The following PIBF1 variants were observed in gnomAD, a reference collection of about 807,000 sequenced individuals.
PIBF1 encodes the protein progesterone-induced-blocking factor 1.
A neutral mutation model predicts 112.5 loss-of-function variants in PIBF1; 90 were observed. That is an observed-to-expected ratio of 0.80 (90% CI 0.67 to 0.95). PIBF1 has a LOEUF of 0.95. Ranked by LOEUF, PIBF1 falls within the 40% of genes least tolerant of loss-of-function variation. The pLI, the probability that PIBF1 is intolerant of heterozygous loss-of-function variation, is 0.00. For missense variants in PIBF1, 915 were observed against 852.3 expected (o/e 1.07, Z -0.92); for synonymous variants, 301 against 288.6 (o/e 1.04, Z -0.44).
At chr13:72,893,293 T>TG (rs1394219335) in intron 10 of PIBF1, among the ~76,000 whole-genome samples, 7 of 152,082 alleles carry the variant, frequency 4.6e-5, no homozygotes, top group Admixed American at 2.0e-4. Context: ...GTACATTTTT[T>TG]TCTTGTAATA....
chr13:72,901,289 G>T (rs939487283), intron 11 of PIBF1, among the ~76,000 whole-genome samples: 1 of 152,110 alleles, frequency 6.6e-6, no homozygotes, highest in African/African-American at 2.4e-5. Flanking sequence ...CAAATGGCAA[G>T]TAAACATGAA....
intron 13 of PIBF1, among the ~76,000 whole-genome samples, chr13:72,928,885 GTCT>G (rs1397866716): frequency 6.6e-6 from 1 of 152,168 alleles, no homozygotes; most frequent in Non-Finnish European, 1.5e-5. Context: ...TAAACTTGAT[GTCT>G]TCAAGTCATT....
At chr13:72,905,347 TG>T (rs2138639792) in intron 11 of PIBF1, among the ~76,000 whole-genome samples, 1 of 152,262 alleles carries the variant, frequency 6.6e-6, no homozygotes, top group African/African-American at 2.4e-5. Context: ...ATTACCGGCG[TG>T]AGCCACCACA....
chr13:72,874,348 T>C (rs2039301162), intron 10 of PIBF1, among the ~76,000 whole-genome samples: 1 of 152,176 alleles, frequency 6.6e-6, no homozygotes. Context: ...CTGAAACAAC[T>C]AGTGCATCAA....
At chr13:72,983,450 G>A (rs1177276593) in intron 16 of PIBF1, among the ~76,000 whole-genome samples, 1 of 152,154 alleles carries the variant, frequency 6.6e-6, no homozygotes, top group African/African-American at 2.4e-5. Context: ...TACTTAGAAT[G>A]TACAAGGCCC....
At chr13:72,804,420 C>T (rs936406454) in intron 5 of PIBF1, among the ~76,000 whole-genome samples, 1 of 152,112 alleles carries the variant, frequency 6.6e-6, no homozygotes, top group African/African-American at 2.4e-5. Flanking sequence ...GATTGGAAGA[C>T]AAAAGTGTAT....
chr13:72,818,845 C>T (rs1480015896), intron 5 of PIBF1, among the ~76,000 whole-genome samples: 3 of 152,028 alleles, frequency 2.0e-5, no homozygotes, highest in Non-Finnish European at 2.9e-5. Context: ...TTATCAGCCT[C>T]AAATGGACCC....
rs116784127 is a variant in PIBF1, at chr13:72,844,160, T to G, written c.1223+8792T>G. 6.9e-3 allele frequency among the ~76,000 whole-genome samples: 1,045 copies of G among 152,266 alleles called. 13 individuals carry two copies. Among genetic ancestry groups the G allele is most frequent in the African/African-American group, 0.024 (1,008 of 41,546 alleles). Reference sequence around the variant, plus strand: ...AACCGTATTTTACAAGTAAGGTAATTGAGACATCAACTGTGACTTGCCTGT... The same window carrying G: ...AACCGTATTTTACAAGTAAGGTAATGGAGACATCAACTGTGACTTGCCTGT... On this transcript the variant is annotated intron_variant, in intron 9 of 17. Transcript: ENST00000326291.
chr13:73,015,893 T>G lies in PIBF1; in HGVS notation c.2248T>G (p.Ser750Ala), dbSNP rs1348209629. Residue 750 changes from serine to alanine, a missense_variant, in exon 18 of 18, where the codon TCT (serine) becomes GCT (alanine). Coordinates refer to ENST00000326291, the MANE Select transcript of PIBF1 (RefSeq NM_006346.4). ...GACTAAAAAAGAAGCACCTGAGTGG[T>G]CTAAGAAACAAAAGATGAAGACCTA... ...LFTKKEAPEW[S>A]KKQKMKT 6.3e-7 allele frequency: 1 copy of G among 1,589,532 alleles called. No homozygotes were observed. Among genetic ancestry groups the G allele is most frequent in the Non-Finnish European group, 8.6e-7 (1 of 1,166,314 alleles).
chr13:72,845,540 A>G (rs765217887), intron 9 of PIBF1, among the ~76,000 whole-genome samples: 20 of 152,094 alleles, frequency 1.3e-4, no homozygotes, highest in Non-Finnish European at 2.6e-4. Flanking sequence ...TAGTAATGGG[A>G]TTGCTGGGTC....
intron 13 of PIBF1, among the ~76,000 whole-genome samples, chr13:72,918,026 T>A (rs140481594): frequency 6.6e-6 from 1 of 152,318 alleles, no homozygotes; most frequent in South Asian, 2.1e-4. Flanking sequence ...CAGAAAATTA[T>A]ACCTACATTA....
At chr13:72,903,292 A>G (rs1372650332) in intron 11 of PIBF1, among the ~76,000 whole-genome samples, 1 of 152,158 alleles carries the variant, frequency 6.6e-6, no homozygotes, top group Non-Finnish European at 1.5e-5. Flanking sequence ...AGACCTTTTT[A>G]AAAATATGCT....
intron 16 of PIBF1, among the ~76,000 whole-genome samples, chr13:72,990,100 G>A (rs2043425069): frequency 6.6e-6 from 1 of 151,084 alleles, no homozygotes; most frequent in African/African-American, 2.4e-5. Context: ...TGTAGTCTCA[G>A]CTACTCTGGA....
intron 9 of PIBF1, among the ~76,000 whole-genome samples, chr13:72,849,532 C>G (rs1390020428): frequency 6.6e-6 from 1 of 152,174 alleles, no homozygotes; most frequent in Non-Finnish European, 1.5e-5. Flanking sequence ...AGGAATACAT[C>G]TAGCATTTTA....
intron 10 of PIBF1, among the ~76,000 whole-genome samples, chr13:72,874,891 A>G (rs1421632725): frequency 1.3e-5 from 2 of 152,060 alleles, no homozygotes; most frequent in South Asian, 4.2e-4. Context: ...CCAGAGTGCT[A>G]CATTTGTTAC....
At chr13:72,869,015 G>A (rs1594089309) in intron 10 of PIBF1, among the ~76,000 whole-genome samples, 1 of 152,020 alleles carries the variant, frequency 6.6e-6, no homozygotes, top group African/African-American at 2.4e-5. Flanking sequence ...TACACTGTTG[G>A]TGGGACTGTA....
chr13:72,795,941 G>A lies in PIBF1; in HGVS notation c.552+384G>A, dbSNP rs187139453. 5.3e-4 allele frequency among the ~76,000 whole-genome samples: 80 copies of A among 152,218 alleles called. No individual in the cohort carries two copies. The East Asian group carries it at 0.01, about 20-fold the overall frequency. The stretch of plus-strand genomic sequence containing the variant: ...AAGAACTTTGTGGTGAGAGATTGGC[G>A]CAAGATCTTGATTGCAGTGCTGGTT... On this transcript the variant is annotated intron_variant, in intron 4 of 17. Transcript: ENST00000326291.
chr13:72,809,389 T>C (rs1238475956), intron 5 of PIBF1, among the ~76,000 whole-genome samples: 1 of 151,848 alleles, frequency 6.6e-6, no homozygotes, highest in African/African-American at 2.4e-5. Context: ...GTCTCAGTTA[T>C]TGCACTAATT....
chr13:72,965,248 T>G, intron 14 of PIBF1, 26 bp from the exon 15 acceptor site: 2 of 1,598,984 alleles, frequency 1.3e-6, no homozygotes, highest in Non-Finnish European at 1.7e-6. Flanking sequence ...ATTTTCTAGA[T>G]TTTAATGAAA....
Sources: allele counts gnomAD v4.1 joint callset (sites outside exome capture counted in the v4.1 genomes callset), GRCh38; gene constraint gnomAD v4.1.1; transcripts MANE v1.5; gene names NCBI Gene and HGNC (gene_info 2026-07-23, HGNC 2026-07-21).